AMBRA1: variants seen among roughly 807,000 people sequenced by gnomAD.
AMBRA1 encodes activating molecule in BECN1-regulated autophagy protein 1.
In AMBRA1, 47 loss-of-function variants were observed where a neutral mutation model predicts 125.4. The ratio of observed to expected loss-of-function variants is 0.37; its 90% CI spans 0.30 to 0.48. AMBRA1 has a LOEUF of 0.48. AMBRA1 is among the 20% of genes least tolerant of loss of function. The pLI is 0.99. For missense variants in AMBRA1, 1,331 were observed against 1,693.4 expected (o/e 0.79, Z 3.76); for synonymous variants, 626 against 655.5 (o/e 0.95, Z 0.69).
intron 1 of AMBRA1, among the ~76,000 whole-genome samples, chr11:46,572,761 C>T (rs1393527624): frequency 1.3e-5 from 2 of 152,110 alleles, no homozygotes; most frequent in African/African-American, 4.8e-5. Flanking sequence ...TAGGTGTTAT[C>T]ATCCCCCCAC....
intron 14 of AMBRA1, among the ~76,000 whole-genome samples, chr11:46,422,056 C>A (rs745732839): frequency 4.6e-5 from 7 of 152,158 alleles, no homozygotes; most frequent in Non-Finnish European, 1.0e-4. Flanking sequence ...CCCACCCTGT[C>A]CCCCACTCTT....
chr11:46,488,902 GT>G lies in AMBRA1; in HGVS notation c.2521+4705del, dbSNP rs201973374. Among the ~76,000 whole-genome samples the G allele has an allele frequency of 2.6e-3, 397 of 152,124 alleles. 1 individual carries two copies. The highest frequency in any genetic ancestry group is 8.8e-3 in the African/African-American group (364 of 41,522). ...AGAAGTGACACCGTTCAGTAAAAAG[GT>G]TTTTTTGTTTTTTTGTGTTTTTTGA... On this transcript the variant is annotated intron_variant, in intron 11 of 17. Coordinates refer to ENST00000683756, the MANE Select transcript of AMBRA1 (RefSeq NM_001387011.1).
Position 46,551,574 on chromosome 11 carries a change from T to C in AMBRA1, c.-120-3074A>G, listed in dbSNP as rs557180653. Reference sequence around the variant, plus strand: ...TGTTATCTTTATCAAAAATTTTCTTTAAAATATTAAACGACACCAGGCGCG... The same window carrying C: ...TGTTATCTTTATCAAAAATTTTCTTCAAAATATTAAACGACACCAGGCGCG... On this transcript the variant is annotated intron_variant, in intron 1 of 17. Transcript: ENST00000683756. Among the ~76,000 whole-genome samples, 7 of 152,340 alleles carry C rather than the reference T, an allele frequency of 4.6e-5. 1 individual carries two copies. Among genetic ancestry groups the C allele is most frequent in the African/African-American group, 1.7e-4 (7 of 41,574 alleles).
chr11:46,501,868 G>A lies in AMBRA1; in HGVS notation c.2339+6323C>T, dbSNP rs145395542. 5.9e-3 allele frequency among the ~76,000 whole-genome samples: 892 copies of A among 152,188 alleles called. 9 individuals carry two copies. The highest frequency in any genetic ancestry group is 7.0e-3 in the Non-Finnish European group (474 of 68,006). On this transcript the variant is annotated intron_variant, in intron 9 of 17. Transcript: ENST00000683756. ...CTCTTGTTCATATCAATTAGTCTAT[G>A]GTAAAATTAGTTTCATTATAGTAGT...
intron 11 of AMBRA1, among the ~76,000 whole-genome samples, chr11:46,472,365 C>T (rs957454439): frequency 1.3e-5 from 2 of 152,216 alleles, no homozygotes; most frequent in African/African-American, 4.8e-5. Context: ...TCAAGTAGTT[C>T]AGCTACCGCA....
intron 17 of AMBRA1, among the ~76,000 whole-genome samples, chr11:46,400,084 T>C (rs934906808): frequency 1.3e-5 from 2 of 152,180 alleles, no homozygotes; most frequent in Non-Finnish European, 2.9e-5. Context: ...GCTCTATTGC[T>C]GTGGGACCTC....
At position 46,547,274 on chromosome 11, in the gene AMBRA1, C is replaced by T; in HGVS notation, c.217G>A (p.Val73Met). The T allele has an allele frequency of 6.2e-7, 1 of 1,612,328 alleles. No homozygotes were observed. Among genetic ancestry groups the T allele is most frequent in the Non-Finnish European group, 8.5e-7 (1 of 1,179,426 alleles). ...PDRTLLASTH[V>M]NHNIYITEVK... The stretch of plus-strand genomic sequence containing the variant: ...TCCGTAATATAGATATTATGGTTCA[C>T]ATGGGTGGAGGCTAAGAGAGTCCTA... The change falls in exon 4 of 18, where the codon GTG becomes ATG. Residue 73 changes from valine (V) to methionine (M), a missense_variant. Coordinates refer to ENST00000683756, the MANE Select transcript of AMBRA1 (RefSeq NM_001387011.1).
At chr11:46,585,665 CAAAAAAAAAAAAAAA>C (rs1157368065) in intron 1 of AMBRA1, among the ~76,000 whole-genome samples, 1 of 7,600 alleles carries the variant, frequency 1.3e-4, no homozygotes, top group Non-Finnish European at 2.1e-4. Flanking sequence ...GACTCCATCT[CAAAAAAAAAAAAAAA>C]AAAAAAAAAA....
intron 1 of AMBRA1, among the ~76,000 whole-genome samples, chr11:46,564,325 T>G (rs2043447378): frequency 6.6e-6 from 1 of 152,000 alleles, no homozygotes; most frequent in African/African-American, 2.4e-5. Flanking sequence ...CAACATATTA[T>G]CTAATATTCA....
intron 11 of AMBRA1, among the ~76,000 whole-genome samples, chr11:46,449,954 G>C (rs1444446252): frequency 6.6e-6 from 1 of 151,872 alleles, no homozygotes; most frequent in Non-Finnish European, 1.5e-5. Flanking sequence ...AGCTATTCAG[G>C]AGGCTGAAGC....
At chr11:46,585,860 T>TG (rs946379293) in intron 1 of AMBRA1, among the ~76,000 whole-genome samples, 7 of 149,112 alleles carry the variant, frequency 4.7e-5, no homozygotes, top group Admixed American at 3.4e-4. Flanking sequence ...GGCTGGAGTG[T>TG]GATGGCATGA....
At chr11:46,428,013 A>T (rs1166129113) in intron 14 of AMBRA1, among the ~76,000 whole-genome samples, 4 of 149,844 alleles carry the variant, frequency 2.7e-5, no homozygotes, top group African/African-American at 9.8e-5. Flanking sequence ...CATGTCAAAA[A>T]AAAAAAAAAA....
At chr11:46,407,162 C>A (rs1387636474) in intron 17 of AMBRA1, among the ~76,000 whole-genome samples, 1 of 152,116 alleles carries the variant, frequency 6.6e-6, no homozygotes, top group Non-Finnish European at 1.5e-5. Context: ...CGAGATCATG[C>A]CACTGCACTC....
chr11:46,408,521 G>A lies in AMBRA1; in HGVS notation c.3395C>T (p.Pro1132Leu), dbSNP rs559652881. The A allele has an allele frequency of 1.3e-6, 2 of 1,560,712 alleles. No individual in the cohort carries two copies. The highest frequency in any genetic ancestry group is 1.8e-5 in the Admixed American group (1 of 54,674). ...CGCCACATGGCTCCTACCTTCACCA[G>A]GACCTGAGGCGGCTGTCCCTGGCTC... ...VPEPGTAASG[P>L]GEGEGSEYGA... Residue 1132 changes from proline (P) to leucine (L), a missense_variant, in exon 17 of 18, where the codon CCT becomes CTT. Coordinates refer to ENST00000683756, the MANE Select transcript of AMBRA1 (RefSeq NM_001387011.1).
chr11:46,563,871 G>A (rs1380040544), intron 1 of AMBRA1, among the ~76,000 whole-genome samples: 2 of 149,310 alleles, frequency 1.3e-5, no homozygotes, highest in Non-Finnish European at 3.0e-5. Flanking sequence ...AAGGCCAGGC[G>A]TGGTGGCTCA....
At chr11:46,473,803 A>G (rs1204679282) in intron 11 of AMBRA1, among the ~76,000 whole-genome samples, 1 of 152,110 alleles carries the variant, frequency 6.6e-6, no homozygotes, top group African/African-American at 2.4e-5. Flanking sequence ...GACACCCACC[A>G]CCACGCCCGG....
At chr11:46,435,644 G>T (rs1296895710) in intron 12 of AMBRA1, among the ~76,000 whole-genome samples, 1 of 152,228 alleles carries the variant, frequency 6.6e-6, no homozygotes, top group African/African-American at 2.4e-5. Flanking sequence ...ACAAAGCCCA[G>T]CTGCGGCTGG....
intron 1 of AMBRA1, among the ~76,000 whole-genome samples, chr11:46,553,190 G>A (rs1372815746): frequency 2.6e-5 from 4 of 151,816 alleles, no homozygotes; most frequent in East Asian, 1.9e-4. Flanking sequence ...TGATCCACCC[G>A]CCTCAGCCTC....
intron 1 of AMBRA1, among the ~76,000 whole-genome samples, chr11:46,585,064 C>G (rs1470238716): frequency 6.6e-6 from 1 of 150,786 alleles, no homozygotes; most frequent in Non-Finnish European, 1.5e-5. Context: ...GCTCTCTGTG[C>G]TCTCTGAAAC....
Sources: gnomAD v4.1 joint callset for allele counts (sites outside exome capture counted in the v4.1 genomes callset) on GRCh38, gnomAD v4.1.1 for gene constraint, MANE v1.5 for transcripts, NCBI Gene and HGNC (gene_info 2026-07-23, HGNC 2026-07-21) for gene names.